The following PCDHA7 variants were observed in gnomAD, a reference collection of about 807,000 sequenced individuals.
PCDHA7 encodes protocadherin alpha-7.
PCDHA7 carries 37 observed loss-of-function variants against 57.2 expected under a neutral mutation model. The observed-to-expected ratio is 0.65, with a 90% CI of 0.50 to 0.85. The LOEUF is 0.85. Ranked by LOEUF, PCDHA7 falls within the 40% of genes least tolerant of loss-of-function variation. The pLI, the probability that PCDHA7 is intolerant of heterozygous loss-of-function variation, is 0.00. For missense variants in PCDHA7, 1,188 were observed against 1,241.8 expected (o/e 0.96, Z 0.65); for synonymous variants, 553 against 558.8 (o/e 0.99, Z 0.15).
chr5:141,010,869 A>T lies in PCDHA7; in HGVS notation c.*932A>T, dbSNP rs1434984330. The T allele has an allele frequency of 1.3e-5, 2 of 153,786 alleles. No individual in the cohort carries two copies. Among genetic ancestry groups the T allele is most frequent in the African/African-American group, 4.8e-5 (2 of 41,464 alleles). The allele number at this position is 153,786 out of a possible 1,614,324, so 9.5% of individuals were successfully genotyped here. On this transcript the variant is annotated 3_prime_UTR_variant, in exon 4 of 4. Coordinates refer to ENST00000525929, the MANE Select transcript of PCDHA7 (RefSeq NM_018910.3). Reference sequence around the variant, plus strand: ...AAAAAAAGAGAAAGTCTATAGCTATAAATCTTTAAAGAGAAATATGAATAC... The same window carrying T: ...AAAAAAAGAGAAAGTCTATAGCTATTAATCTTTAAAGAGAAATATGAATAC...
rs116743674 is a variant in PCDHA7, at chr5:140,927,144, A to G, written c.2356-51805A>G. On this transcript the variant is annotated intron_variant, in intron 1 of 3. Transcript: ENST00000525929. ...TGGTCAGAGAGCCGGCGGACCGCGA[A>G]CAGCTGTGCAGGGCCAAAGCTGCCT... 3.2e-3 allele frequency: 5,191 copies of G among 1,614,096 alleles called. 26 individuals are homozygous for G. The highest frequency in any genetic ancestry group is 0.019 in the African/African-American group (1,449 of 75,034).
intron 2 of PCDHA7, 96 bp from the exon 3 acceptor site, chr5:140,982,379 C>T (rs959359344): frequency 1.4e-5 from 22 of 1,575,004 alleles, no homozygotes; most frequent in South Asian, 3.5e-5. Context: ...TAGCTGCAGC[C>T]CTGGCTTCAT....
At chr5:140,991,569 A>G (rs1157834136) in intron 3 of PCDHA7, among the ~76,000 whole-genome samples, 4 of 152,188 alleles carry the variant, frequency 2.6e-5, no homozygotes, top group Admixed American at 6.5e-5. Flanking sequence ...GTTTCCAATA[A>G]CAGGCTCCTT....
At chr5:140,967,845 A>T in intron 1 of PCDHA7, 1 of 1,614,160 alleles carries the variant, frequency 6.2e-7, no homozygotes, top group Non-Finnish European at 8.5e-7. Context: ...GACGTGAATG[A>T]CAATGCCCCA....
Position 140,993,262 on chromosome 5 carries a change from C to T in PCDHA7, c.2503+10699C>T, listed in dbSNP as rs75542242. ...CTGGGGATTTAGATATATAAATTAG[C>T]TTCTTTGGTCTTTTCTTGCCCAGGG... On this transcript the variant is annotated intron_variant, in intron 3 of 3. Transcript: ENST00000525929. Among the ~76,000 whole-genome samples the T allele has an allele frequency of 6.3e-3, 965 of 152,148 alleles. 15 individuals are homozygous for T. Among genetic ancestry groups the T allele is most frequent in the African/African-American group, 0.023 (934 of 41,492 alleles).
At chr5:140,926,584 C>A in intron 1 of PCDHA7, 1 of 285,402 alleles carries the variant, frequency 3.5e-6, no homozygotes, top group Non-Finnish European at 6.4e-6. Context: ...GCACCTCTCG[C>A]GCCCGGGCGG....
intron 1 of PCDHA7, chr5:140,857,742 T>A (rs375305711): frequency 1.3e-6 from 2 of 1,597,392 alleles, no homozygotes; most frequent in Non-Finnish European, 1.7e-6. Flanking sequence ...CCCGCGCTGC[T>A]GGCGTCTCCC....
intron 3 of PCDHA7, among the ~76,000 whole-genome samples, chr5:141,000,691 G>A (rs1177204689): frequency 3.3e-5 from 5 of 151,460 alleles, no homozygotes; most frequent in African/African-American, 1.2e-4. Flanking sequence ...GCCTCCCAAA[G>A]TGCTGGGATT....
chr5:140,995,324 G>A (rs1290299693), intron 3 of PCDHA7, among the ~76,000 whole-genome samples: 1 of 152,190 alleles, frequency 6.6e-6, no homozygotes, highest in African/African-American at 2.4e-5. Context: ...GAACTAACAG[G>A]TGAGTAGTGT....
At chr5:140,969,493 C>T (rs1240479958) in intron 1 of PCDHA7, 5 of 1,445,166 alleles carry the variant, frequency 3.5e-6, no homozygotes, top group Non-Finnish European at 4.6e-6. Flanking sequence ...GCTATTTCCT[C>T]TCTAGAAAAA....
At chr5:140,949,264 G>T (rs139292588) in intron 1 of PCDHA7, among the ~76,000 whole-genome samples, 2 of 151,666 alleles carry the variant, frequency 1.3e-5, no homozygotes, top group African/African-American at 2.4e-5. Flanking sequence ...AACATATCAC[G>T]TGCACTTGAA....
In PCDHA7 at chr5:140,900,436, G is replaced by C. The variant is rs553121120; in HGVS notation, c.2355+63698G>C. 8.5e-5 allele frequency among the ~76,000 whole-genome samples: 13 copies of C among 152,126 alleles called. No individual in the cohort carries two copies. The East Asian group carries it at 2.5e-3, about 30-fold the overall frequency. ...GGGATTATAGGCACGTGCCACCACG[G>C]CCGGCTAATTTTTTATTTTTAGTAG... On this transcript the variant is annotated intron_variant, in intron 1 of 3. Transcript: ENST00000525929.
At chr5:140,943,083 C>A (rs1444637785) in intron 1 of PCDHA7, among the ~76,000 whole-genome samples, 1 of 151,532 alleles carries the variant, frequency 6.6e-6, no homozygotes, top group African/African-American at 2.4e-5. Flanking sequence ...ATGGTGAAAT[C>A]CTGCCTCTAC....
At chr5:140,843,783 T>C in intron 1 of PCDHA7, 1 of 1,421,268 alleles carries the variant, frequency 7.0e-7, no homozygotes, top group Admixed American at 2.1e-5. Context: ...TAAAAGTGTT[T>C]CAGATTTAGT....
intron 1 of PCDHA7, chr5:140,876,601 C>G: frequency 6.2e-7 from 1 of 1,614,152 alleles, no homozygotes; most frequent in Non-Finnish European, 8.5e-7. Context: ...CGTGTCGGAT[C>G]GTGACTCTGG....
At chr5:140,841,138 C>A (rs782232195) in intron 1 of PCDHA7, 1 of 713,754 alleles carries the variant, frequency 1.4e-6, no homozygotes, top group Non-Finnish European at 2.3e-6. Flanking sequence ...TTTGAAGCCA[C>A]ATGATGTCGC....
chr5:140,876,924 G>A, intron 1 of PCDHA7: 4 of 1,613,824 alleles, frequency 2.5e-6, no homozygotes, highest in Non-Finnish European at 3.4e-6. Flanking sequence ...ACGCGGACGC[G>A]CAGAAGAACG....
intron 1 of PCDHA7, among the ~76,000 whole-genome samples, chr5:140,951,795 C>T (rs2094636851): frequency 6.6e-6 from 1 of 152,166 alleles, no homozygotes; most frequent in African/African-American, 2.4e-5. Context: ...ACAATTATCC[C>T]TTCCCAATGG....
chr5:140,904,797 C>T (rs2071388214), intron 1 of PCDHA7, among the ~76,000 whole-genome samples: 1 of 152,022 alleles, frequency 6.6e-6, no homozygotes, highest in East Asian at 1.9e-4. Context: ...TTTGCATTTT[C>T]CTGATAATTA....
Sources: allele counts gnomAD v4.1 joint callset (sites outside exome capture counted in the v4.1 genomes callset), GRCh38; gene constraint gnomAD v4.1.1; transcripts MANE v1.5; gene names NCBI Gene and HGNC (gene_info 2026-07-23, HGNC 2026-07-21).